Variants in FANCC observed in about 807,000 individuals in gnomAD.
FANCC encodes the protein FA complementation group C.
FANCC carries 55 observed loss-of-function variants against 71.3 expected under a neutral mutation model. That is an observed-to-expected ratio of 0.77 (90% confidence interval 0.62 to 0.97). The LOEUF is 0.97. FANCC is among the 50% of genes least tolerant of loss of function. The probability of loss-of-function intolerance (pLI) is 0.00; values close to 1 mark genes in which losing one functional copy is unlikely to be tolerated. For missense variants in FANCC, 678 were observed against 670.9 expected, an observed-to-expected ratio of 1.01 and a Z score of -0.12; for synonymous variants, 275 against 244.9, an observed-to-expected ratio of 1.12 and a Z score of -1.15.
intron 1 of FANCC, chr9:95,293,577 G>T: frequency 1.2e-6 from 2 of 1,613,922 alleles, no homozygotes; most frequent in Non-Finnish European, 1.7e-6. Flanking sequence ...TTCAATCAAC[G>T]TGCAGACAGA....
intron 1 of FANCC, among the ~76,000 whole-genome samples, chr9:95,279,620 T>C (rs1414734909): frequency 6.6e-6 from 1 of 151,874 alleles, no homozygotes; most frequent in African/African-American, 2.4e-5. Flanking sequence ...TAAAGCCAAC[T>C]ATGTCAATAA....
intron 1 of FANCC, among the ~76,000 whole-genome samples, chr9:95,316,054 C>G (rs1027077396): frequency 6.6e-6 from 1 of 152,180 alleles, no homozygotes; most frequent in African/African-American, 2.4e-5. Context: ...TTTTCTGATG[C>G]CTTGGTAAAC....
intron 4 of FANCC, among the ~76,000 whole-genome samples, chr9:95,175,401 G>A (rs192334717): frequency 6.6e-5 from 10 of 152,326 alleles, no homozygotes; most frequent in African/African-American, 2.4e-4. Flanking sequence ...CAGAGTTAGA[G>A]AGTTAGAGTG....
At chr9:95,156,720 G>A (rs1218732282) in intron 6 of FANCC, among the ~76,000 whole-genome samples, 1 of 152,084 alleles carries the variant, frequency 6.6e-6, no homozygotes, top group East Asian at 1.9e-4. Context: ...ATTCTGCCAA[G>A]TGTATTCTTC....
At chr9:95,168,948 T>C (rs1350822806) in intron 6 of FANCC, among the ~76,000 whole-genome samples, 3 of 152,248 alleles carry the variant, frequency 2.0e-5, no homozygotes, top group Non-Finnish European at 4.4e-5. Context: ...ACCTGCTCGT[T>C]AGTCACTTAG....
chr9:95,158,512 T>C (rs937548318), intron 6 of FANCC, among the ~76,000 whole-genome samples: 4 of 152,182 alleles, frequency 2.6e-5, no homozygotes, highest in African/African-American at 7.2e-5. Context: ...TAGATCACTA[T>C]GGGTAGCTTG....
At position 95,292,484 on chromosome 9, in the gene FANCC, G is replaced by A. The variant is rs556023928; in HGVS notation, c.-79+25042C>T. The stretch of plus-strand genomic sequence containing the variant: ...GACCCCGACTGAGGGGCAGCCGGCC[G>A]CGGCCCGCGGGGGTGACGCAGCAGC... On this transcript the variant is annotated intron_variant, in intron 1 of 14. Transcript: ENST00000289081. 1.7e-5 allele frequency: 23 copies of A among 1,346,404 alleles called. No homozygotes were observed. The South Asian group carries it at 3.4e-4, about 20-fold the overall frequency. 83.4% of individuals were successfully genotyped at this position (1,346,404 alleles called of 1,614,324 possible). A position where few individuals can be genotyped will look rare whatever the true frequency, so the allele number is the denominator to read the frequency against.
chr9:95,154,100 G>T (rs1830326885), intron 6 of FANCC, among the ~76,000 whole-genome samples: 1 of 151,898 alleles, frequency 6.6e-6, no homozygotes, highest in African/African-American at 2.4e-5. Context: ...ACAAAAATTA[G>T]CCAGGCATGG....
chr9:95,111,631 G>A lies in FANCC; in HGVS notation c.1161C>T (p.Cys387=), dbSNP rs548998258. 48 of 1,614,124 alleles carry A rather than the reference G, an allele frequency of 3.0e-5. 1 individual carries two copies. Among genetic ancestry groups the A allele is most frequent in the Middle Eastern group, 1.6e-4 (1 of 6,062 alleles). Residue 387 remains cysteine, a synonymous_variant, in exon 13 of 15, where the codon TGC becomes TGT. Coordinates refer to ENST00000289081, the MANE Select transcript of FANCC (RefSeq NM_000136.3). ...GGAACCAGCTCTCAAAGGGACCTCC[G>A]CAGGACCTGGAACAGAGGCAGAACA... is the stretch of plus-strand genomic sequence containing the variant. The part of the protein sequence containing the change: ...EAVEDQTHGS[C]GGPFESWFLF...
rs2071000405 is a variant in FANCC, at chr9:95,099,156, T to TAA, written c.*2549_*2550dup. On this transcript the variant is annotated 3_prime_UTR_variant, in exon 15 of 15. Coordinates refer to ENST00000289081, the MANE Select transcript of FANCC (RefSeq NM_000136.3). ...ACAGATGTCACGGAGTCCAGGGGAA[T>TAA]AACAGCCTGGTTGGAGGGGCGCTCT... 1 of 216,446 alleles carries TAA rather than the reference T, an allele frequency of 4.6e-6. No individual in the cohort carries two copies. Among genetic ancestry groups the TAA allele is most frequent in the African/African-American group, 2.3e-5 (1 of 44,318 alleles). 13.4% of individuals were successfully genotyped at this position (216,446 alleles called of 1,614,324 possible).
At position 95,189,529 on chromosome 9, in the gene FANCC, G is replaced by A. The variant is rs200056699; in HGVS notation, c.346-17382C>T. The stretch of plus-strand genomic sequence containing the variant: ...TCTTGCTTGCTCGCTCATTAGTTCC[G>A]GGGGGGGAAATAGAGTAGGCTTCCC... On this transcript the variant is annotated intron_variant, in intron 4 of 14. Transcript: ENST00000289081. Among the ~76,000 whole-genome samples, 244 of 40,354 alleles carry A rather than the reference G, an allele frequency of 6.0e-3. 4 individuals carry two copies. In the East Asian group the frequency reaches 0.16, roughly 26 times the overall value. The allele number at this position is 40,354 out of a possible 152,430, so 26.5% of individuals were successfully genotyped here. A position where few individuals can be genotyped will look rare whatever the true frequency, so the allele number is the denominator to read the frequency against.
intron 1 of FANCC, among the ~76,000 whole-genome samples, chr9:95,276,637 C>T (rs534650942): frequency 6.6e-5 from 10 of 152,274 alleles, no homozygotes; most frequent in South Asian, 2.1e-4. Flanking sequence ...ATCTCAAGAA[C>T]GACAACAACA....
intron 1 of FANCC, chr9:95,292,735 C>T: frequency 7.5e-7 from 1 of 1,341,966 alleles, no homozygotes; most frequent in Non-Finnish European, 1.1e-6. Flanking sequence ...TACTGTTGTC[C>T]AATCGAAGGC....
At chr9:95,187,982 T>C (rs1826834926) in intron 4 of FANCC, among the ~76,000 whole-genome samples, 1 of 151,238 alleles carries the variant, frequency 6.6e-6, no homozygotes, top group African/African-American at 2.4e-5. Flanking sequence ...TCACTTACTG[T>C]CACTACGCAT....
chr9:95,125,245 C>T, intron 9 of FANCC, 60 bp from the exon 10 acceptor site: 2 of 1,358,902 alleles, frequency 1.5e-6, no homozygotes, highest in African/African-American at 1.4e-5. Context: ...AACATGAAAA[C>T]CTGCACTGTA....
chr9:95,117,242 TGAG>T lies in FANCC; in HGVS notation c.1072+70_1072+72del, dbSNP rs1163323803. The stretch of plus-strand genomic sequence containing the variant: ...CCTCATGCTGTAGATAAGGGCCTGA[TGAG>T]GAGGTCATAATTTGACAATGCTCTT... On this transcript the variant is annotated intron_variant, in intron 11 of 14. Transcript: ENST00000289081. The T allele has an allele frequency of 1.8e-5, 24 of 1,317,794 alleles. No individual in the cohort carries two copies. The Admixed American group carries it at 2.6e-4, about 14-fold the overall frequency. The allele number at this position is 1,317,794 out of a possible 1,614,324, so 81.6% of individuals were successfully genotyped here.
intron 1 of FANCC, among the ~76,000 whole-genome samples, chr9:95,295,770 TAA>T (rs765617250): frequency 2.6e-4 from 32 of 123,514 alleles, no homozygotes; most frequent in Middle Eastern, 4.1e-3. Flanking sequence ...CTGTATCAAT[TAA>T]AAAAAAAAAA....
At chr9:95,293,590 T>C (rs1834188680) in intron 1 of FANCC, 1 of 1,614,174 alleles carries the variant, frequency 6.2e-7, no homozygotes, top group Admixed American at 1.7e-5. Flanking sequence ...CAGACAGATC[T>C]GTCTTATGCC....
chr9:95,107,122 TGAG>T lies in FANCC; in HGVS notation c.1474_1476del (p.Leu492del), dbSNP rs2071510744. ...CCTCCAGGAGCCCAGAGCAGGAAGT[TGAG>T]GAGAAGGTGCCTGATCAGCTGTTGT... On this transcript the variant is annotated inframe_deletion, in exon 14 of 15. Coordinates refer to ENST00000289081, the MANE Select transcript of FANCC (RefSeq NM_000136.3). 1 of 1,614,078 alleles carries T rather than the reference TGAG, an allele frequency of 6.2e-7. No individual in the cohort carries two copies. Among genetic ancestry groups the T allele is most frequent in the Non-Finnish European group, 8.5e-7 (1 of 1,180,008 alleles).
Sources: allele counts gnomAD v4.1 joint callset (sites outside exome capture counted in the v4.1 genomes callset), GRCh38; gene constraint gnomAD v4.1.1; transcripts MANE v1.5; gene names NCBI Gene and HGNC (gene_info 2026-07-23, HGNC 2026-07-21).